PPM1L: variants seen among roughly 807,000 people sequenced by gnomAD.
The protein encoded by PPM1L is protein phosphatase, Mg2+/Mn2+ dependent 1L.
In PPM1L, 13 loss-of-function variants were observed where a neutral mutation model predicts 31.4. The ratio of observed to expected loss-of-function variants is 0.41; its 90% CI spans 0.27 to 0.66. The LOEUF is 0.66. PPM1L is among the 30% of genes least tolerant of loss of function. The pLI, the probability that PPM1L is intolerant of heterozygous loss-of-function variation, is 0.29. For synonymous variants in PPM1L, 184 were observed against 175.4 expected, an observed-to-expected ratio of 1.05 and a Z score of -0.39; for missense variants, 326 against 453.7, an observed-to-expected ratio of 0.72 and a Z score of 2.56.
At chr3:160,940,754 C>A (rs1281787977) in intron 1 of PPM1L, among the ~76,000 whole-genome samples, 2 of 152,210 alleles carry the variant, frequency 1.3e-5, no homozygotes, top group African/African-American at 4.8e-5. Flanking sequence ...TCTGCTAGGG[C>A]AGTGTGGAAG....
At chr3:161,055,347 G>T (rs1719383466) in intron 2 of PPM1L, among the ~76,000 whole-genome samples, 1 of 152,016 alleles carries the variant, frequency 6.6e-6, no homozygotes, top group Non-Finnish European at 1.5e-5. Context: ...TACTTTATGT[G>T]TGTTTCAGGA....
At chr3:160,976,542 C>T (rs1291983331) in intron 2 of PPM1L, among the ~76,000 whole-genome samples, 2 of 150,826 alleles carry the variant, frequency 1.3e-5, no homozygotes, top group Admixed American at 1.3e-4. Context: ...ATTATTGCCA[C>T]AATTTCAGGT....
At chr3:160,909,137 A>C (rs1033637721) in intron 1 of PPM1L, among the ~76,000 whole-genome samples, 2 of 152,154 alleles carry the variant, frequency 1.3e-5, no homozygotes, top group Non-Finnish European at 2.9e-5. Context: ...GTTTTTGTAA[A>C]GGGGAGATAA....
intron 2 of PPM1L, among the ~76,000 whole-genome samples, chr3:161,034,784 T>C (rs889898084): frequency 6.6e-6 from 1 of 151,434 alleles, no homozygotes; most frequent in Admixed American, 6.6e-5. Context: ...CAAACCACCA[T>C]GGCACGTGTA....
At chr3:160,990,845 G>A (rs931804729) in intron 2 of PPM1L, among the ~76,000 whole-genome samples, 2 of 152,144 alleles carry the variant, frequency 1.3e-5, no homozygotes, top group South Asian at 2.1e-4. Flanking sequence ...TTGTAGGACT[G>A]TCTATTACAT....
At chr3:161,005,990 A>C (rs888537146) in intron 2 of PPM1L, among the ~76,000 whole-genome samples, 1 of 151,966 alleles carries the variant, frequency 6.6e-6, no homozygotes, top group African/African-American at 2.4e-5. Context: ...ATAAAAAAAT[A>C]CAATTTTAAA....
chr3:160,850,662 T>C (rs1359159870), intron 1 of PPM1L, among the ~76,000 whole-genome samples: 4 of 152,090 alleles, frequency 2.6e-5, no homozygotes, highest in Non-Finnish European at 5.9e-5. Flanking sequence ...TTTGGAGATT[T>C]CCAAGGGTTT....
rs182238881 is a variant in PPM1L at position 160,762,459 on chromosome 3, G to A, written c.399+5752G>A. Among the ~76,000 whole-genome samples the A allele has an allele frequency of 8.7e-3, 1,320 of 152,248 alleles. 27 individuals are homozygous for A. Among genetic ancestry groups the A allele is most frequent in the African/African-American group, 0.03 (1,263 of 41,532 alleles). ...AAGCCAACATTTTCTGTATAGTTTG[G>A]CACCTGTGAAAAGCAGTGTTATGTT... On this transcript the variant is annotated intron_variant, in intron 1 of 3. Transcript: ENST00000498165.
intron 1 of PPM1L, among the ~76,000 whole-genome samples, chr3:160,932,976 T>C (rs1714835760): frequency 6.6e-6 from 1 of 152,202 alleles, no homozygotes; most frequent in African/African-American, 2.4e-5. Context: ...GCTAGTTCTC[T>C]TTCCCTTTAA....
At chr3:160,945,504 A>G (rs1715381160) in intron 1 of PPM1L, among the ~76,000 whole-genome samples, 1 of 152,102 alleles carries the variant, frequency 6.6e-6, no homozygotes, top group Non-Finnish European at 1.5e-5. Flanking sequence ...ATCTAGGTTC[A>G]GTGGTAAATA....
chr3:160,987,370 G>A (rs1716998297), intron 2 of PPM1L, among the ~76,000 whole-genome samples: 1 of 152,148 alleles, frequency 6.6e-6, no homozygotes, highest in Admixed American at 6.5e-5. Flanking sequence ...CTGAATACTA[G>A]CTTTCCCCCC....
rs1720032550 is a variant in PPM1L at position 161,074,286 on chromosome 3, T to C, written c.*5129T>C. ...GTACATAGTTAAGTTTGGCATGTTA[T>C]CTCTTGCCTAAAATGTGAGGCCTTC... is the stretch of plus-strand genomic sequence containing the variant. On this transcript the variant is annotated 3_prime_UTR_variant, in exon 4 of 4. Transcript: ENST00000498165. 6.6e-6 allele frequency: 1 copy of C among 152,232 alleles called. No individual in the cohort carries two copies. Among genetic ancestry groups the C allele is most frequent in the South Asian group, 2.1e-4 (1 of 4,836 alleles). The allele number at this position is 152,232 out of a possible 1,614,324, so 9.4% of individuals were successfully genotyped here.
rs540671425 is a variant in PPM1L at position 160,897,016 on chromosome 3, G to A, written c.400-64720G>A. Among the ~76,000 whole-genome samples, 6 of 150,136 alleles carry A rather than the reference G, an allele frequency of 4.0e-5. No individual in the cohort carries two copies. The South Asian group carries it at 6.3e-4, about 16-fold the overall frequency. Reference sequence around the variant, plus strand: ...GATTGCTAGTCTAGTCACAGTCAGTGGCTGACATTTCTATGACTACTGACT... The same window carrying A: ...GATTGCTAGTCTAGTCACAGTCAGTAGCTGACATTTCTATGACTACTGACT... On this transcript the variant is annotated intron_variant, in intron 1 of 3. Coordinates refer to ENST00000498165, the MANE Select transcript of PPM1L (RefSeq NM_139245.4).
At position 160,757,099 on chromosome 3, in the gene PPM1L, C is replaced by T. The variant is rs142513697; in HGVS notation, c.399+392C>T. ...CAGTGCCCTTGTTCTAGGGTTTGAGCTGAACTAGGCACAGAGAAGGAAGAC... is the reference window on the plus strand; with the variant it reads ...CAGTGCCCTTGTTCTAGGGTTTGAGTTGAACTAGGCACAGAGAAGGAAGAC... On this transcript the variant is annotated intron_variant, in intron 1 of 3. Transcript: ENST00000498165. 2.7e-3 allele frequency among the ~76,000 whole-genome samples: 406 copies of T among 152,294 alleles called. 1 individual carries two copies. The highest frequency in any genetic ancestry group is 9.5e-3 in the African/African-American group (394 of 41,556).
intron 2 of PPM1L, among the ~76,000 whole-genome samples, chr3:160,977,346 A>G (rs1716625551): frequency 6.6e-6 from 1 of 152,226 alleles, no homozygotes; most frequent in Non-Finnish European, 1.5e-5. Flanking sequence ...GCTAGGACAT[A>G]CACTGTTCAT....
chr3:160,998,649 A>G (rs1430608033), intron 2 of PPM1L, among the ~76,000 whole-genome samples: 2 of 152,184 alleles, frequency 1.3e-5, no homozygotes, highest in Admixed American at 6.6e-5. Context: ...TGGAAATTGA[A>G]CAAGAGTAAA....
chr3:160,854,818 A>G (rs1202454683), intron 1 of PPM1L, among the ~76,000 whole-genome samples: 1 of 151,944 alleles, frequency 6.6e-6, no homozygotes, highest in Non-Finnish European at 1.5e-5. Context: ...TATTTCTATC[A>G]AACTACCAAT....
chr3:160,948,592 C>A (rs941388180), intron 1 of PPM1L, among the ~76,000 whole-genome samples: 3 of 152,126 alleles, frequency 2.0e-5, no homozygotes, highest in Non-Finnish European at 4.4e-5. Flanking sequence ...TGATTGCCCA[C>A]AAGCTGTTGG....
chr3:160,966,350 AC>A (rs1252074777), intron 2 of PPM1L, among the ~76,000 whole-genome samples: 6 of 152,132 alleles, frequency 3.9e-5, no homozygotes, highest in African/African-American at 1.4e-4. Context: ...CAGTAATCTT[AC>A]TATTGTAAAC....
Sources: gnomAD v4.1 joint callset for allele counts (sites outside exome capture counted in the v4.1 genomes callset) on GRCh38, gnomAD v4.1.1 for gene constraint, MANE v1.5 for transcripts, NCBI Gene and HGNC (gene_info 2026-07-23, HGNC 2026-07-21) for gene names.